MCC: variants seen among roughly 807,000 people sequenced by gnomAD.
MCC encodes colorectal mutant cancer protein.
In MCC, 90 loss-of-function variants were observed where a neutral mutation model predicts 116.2. The ratio of observed to expected loss-of-function variants is 0.77; its 90% CI spans 0.65 to 0.92. MCC has a LOEUF of 0.92. MCC is among the 40% of genes least tolerant of loss of function. The pLI, the probability that MCC is intolerant of heterozygous loss-of-function variation, is 0.00. For synonymous variants in MCC, 578 were observed against 510.5 expected, an observed-to-expected ratio of 1.13 and a Z score of -1.78; for missense variants, 1,516 against 1,312.2, an observed-to-expected ratio of 1.16 and a Z score of -2.40.
chr5:113,327,712 C>T (rs1415555693), intron 3 of MCC, among the ~76,000 whole-genome samples: 1 of 150,250 alleles, frequency 6.7e-6, no homozygotes, highest in Non-Finnish European at 1.5e-5. Context: ...CTGGAATTAA[C>T]AGAAACAAAA....
intron 17 of MCC, among the ~76,000 whole-genome samples, chr5:113,034,416 G>A (rs1233392439): frequency 2.6e-5 from 4 of 152,186 alleles, no homozygotes; most frequent in Non-Finnish European, 5.9e-5. Context: ...CAGTAAGGAG[G>A]TTATATTCTC....
intron 3 of MCC, among the ~76,000 whole-genome samples, chr5:113,192,290 AG>A (rs1463313557): frequency 6.6e-6 from 1 of 152,240 alleles, no homozygotes; most frequent in African/African-American, 2.4e-5. Flanking sequence ...TGTGCAGTCT[AG>A]AAGGCTTTCC....
At chr5:113,276,279 A>G (rs959610546) in intron 3 of MCC, among the ~76,000 whole-genome samples, 7 of 152,222 alleles carry the variant, frequency 4.6e-5, no homozygotes, top group African/African-American at 1.7e-4. Flanking sequence ...TGGGTAGAAC[A>G]ACAGATGGTC....
chr5:113,269,602 C>G (rs1275543400), intron 3 of MCC, among the ~76,000 whole-genome samples: 1 of 152,172 alleles, frequency 6.6e-6, no homozygotes, highest in Non-Finnish European at 1.5e-5. Context: ...GTCACATGCT[C>G]AGGATGGAGC....
At chr5:113,312,089 G>C (rs1264187039) in intron 3 of MCC, among the ~76,000 whole-genome samples, 1 of 151,932 alleles carries the variant, frequency 6.6e-6, no homozygotes, top group Non-Finnish European at 1.5e-5. Context: ...CTGGCTGACA[G>C]AGCGAGACTC....
At chr5:113,213,616 C>T (rs778470602) in intron 3 of MCC, among the ~76,000 whole-genome samples, 5 of 152,190 alleles carry the variant, frequency 3.3e-5, no homozygotes, top group African/African-American at 1.2e-4. Flanking sequence ...GACAACCTCA[C>T]GTCAAAGCAC....
chr5:113,432,320 C>CAA (rs66577040), intron 1 of MCC, among the ~76,000 whole-genome samples: 397 of 67,612 alleles, frequency 5.9e-3, no homozygotes, highest in East Asian at 8.7e-3. Flanking sequence ...GACTCTGTCT[C>CAA]AAAAAAAAAA....
At chr5:113,129,621 C>A (rs1326433625) in intron 5 of MCC, among the ~76,000 whole-genome samples, 1 of 152,080 alleles carries the variant, frequency 6.6e-6, no homozygotes, top group Non-Finnish European at 1.5e-5. Context: ...CGTCTTATGT[C>A]TCTTCTTAAA....
At position 113,049,267 on chromosome 5, in the gene MCC, G is replaced by T; in HGVS notation, c.2481C>A (p.Tyr827Ter). 1 of 1,609,474 alleles carries T rather than the reference G, an allele frequency of 6.2e-7. No individual in the cohort carries two copies. The highest frequency in any genetic ancestry group is 8.5e-7 in the Non-Finnish European group (1 of 1,177,782). The change falls in exon 16 of 19, where the codon TAC becomes TAA. Residue 827 changes from tyrosine to a stop codon, truncating the protein, a stop_gained. Transcript: ENST00000408903. LOFTEE classifies it high-confidence loss of function. ...EEMAELKAQL[Y>*]LLEKEKKALE... ...GGGCCTTCTTCTCTTTCTCCAGTAGGTAGAGCTGGGCCTTCAACTCGGCCA... is the reference window on the plus strand; with the variant it reads ...GGGCCTTCTTCTCTTTCTCCAGTAGTTAGAGCTGGGCCTTCAACTCGGCCA...
At chr5:113,148,624 T>C (rs1209001270) in intron 4 of MCC, among the ~76,000 whole-genome samples, 1 of 152,358 alleles carries the variant, frequency 6.6e-6, no homozygotes, top group East Asian at 1.9e-4. Context: ...CAAACATGAA[T>C]CTTTTACCAA....
intron 3 of MCC, among the ~76,000 whole-genome samples, chr5:113,274,753 C>T (rs1291369102): frequency 1.3e-5 from 2 of 152,178 alleles, no homozygotes; most frequent in Non-Finnish European, 2.9e-5. Context: ...CTATTACAAT[C>T]CTTTGGTGGG....
intron 4 of MCC, 57 bp from the exon 5 acceptor site, chr5:113,143,417 T>G: frequency 6.3e-7 from 1 of 1,595,220 alleles, no homozygotes; most frequent in Non-Finnish European, 8.6e-7. Context: ...TACAGGTGGA[T>G]GATTCCAAGC....
chr5:113,322,882 C>G (rs978143487), intron 3 of MCC: 3 of 152,232 alleles, frequency 2.0e-5, no homozygotes, highest in African/African-American at 7.2e-5. Context: ...GTATTCATTT[C>G]CTTGTACAGA....
chr5:113,043,368 G>T (rs1580907089), intron 17 of MCC, among the ~76,000 whole-genome samples, 162 bp downstream of exon 17: 1 of 152,180 alleles, frequency 6.6e-6, no homozygotes, highest in African/African-American at 2.4e-5. Flanking sequence ...TCACTGTTTT[G>T]AAAGGCCTGG....
intron 3 of MCC, among the ~76,000 whole-genome samples, chr5:113,176,747 G>T (rs1055379173): frequency 6.6e-6 from 1 of 152,172 alleles, no homozygotes; most frequent in African/African-American, 2.4e-5. Flanking sequence ...ACCCAAACCA[G>T]AGACTTGGGT....
At chr5:113,325,430 T>G (rs938584382) in intron 3 of MCC, among the ~76,000 whole-genome samples, 1 of 135,970 alleles carries the variant, frequency 7.4e-6, no homozygotes, top group Non-Finnish European at 1.5e-5. Context: ...TCGCAGCACT[T>G]TTTTTTTTTT....
intron 6 of MCC, among the ~76,000 whole-genome samples, chr5:113,118,050 T>A (rs1437493639): frequency 1.3e-5 from 2 of 152,168 alleles, no homozygotes. Context: ...AAAAACAACT[T>A]CTTGGCTGTG....
intron 17 of MCC, among the ~76,000 whole-genome samples, chr5:113,036,313 C>G (rs905509084): frequency 6.6e-6 from 1 of 152,146 alleles, no homozygotes; most frequent in Non-Finnish European, 1.5e-5. Flanking sequence ...ACTAGGATTA[C>G]AGGCGTGAGC....
At chr5:113,074,434 C>T (rs1401422022) in intron 11 of MCC, among the ~76,000 whole-genome samples, 1 of 152,222 alleles carries the variant, frequency 6.6e-6, no homozygotes, top group Non-Finnish European at 1.5e-5. Flanking sequence ...GGGGAGAAAC[C>T]AGAGCAGAAA....
Sources: gnomAD v4.1 joint callset for allele counts (sites outside exome capture counted in the v4.1 genomes callset) on GRCh38, gnomAD v4.1.1 for gene constraint, MANE v1.5 for transcripts, NCBI Gene and HGNC (gene_info 2026-07-23, HGNC 2026-07-21) for gene names.